The following OSTF1 variants were observed in gnomAD, a reference collection of about 807,000 sequenced individuals.
The protein encoded by OSTF1 is osteoclast stimulating factor 1.
OSTF1 carries 27 observed loss-of-function variants against 37.2 expected under a neutral mutation model. The observed-to-expected ratio is 0.73, with a 90% CI of 0.54 to 1.00. The LOEUF is 1.00. OSTF1 is among the 50% of genes least tolerant of loss of function. The pLI is 0.00. For synonymous variants in OSTF1, 82 were observed against 89.2 expected (o/e 0.92, Z 0.46); for missense variants, 232 against 253.8 (o/e 0.91, Z 0.58).
At chr9:75,095,725 C>T (rs1825069548) in intron 1 of OSTF1, among the ~76,000 whole-genome samples, 1 of 152,122 alleles carries the variant, frequency 6.6e-6, no homozygotes, top group Non-Finnish European at 1.5e-5. Flanking sequence ...TGGTATTGCT[C>T]CACACAGAAA....
intron 1 of OSTF1, among the ~76,000 whole-genome samples, chr9:75,093,787 G>A (rs1396516972): frequency 6.6e-6 from 1 of 152,162 alleles, no homozygotes; most frequent in Admixed American, 6.5e-5. Flanking sequence ...AAATATGCAC[G>A]TGAATAGTCT....
chr9:75,141,648 A>G (rs747636938), intron 9 of OSTF1, among the ~76,000 whole-genome samples: 5 of 152,226 alleles, frequency 3.3e-5, no homozygotes, highest in Non-Finnish European at 7.3e-5. Context: ...TTAAATGAGG[A>G]TATCAGTAAA....
intron 1 of OSTF1, among the ~76,000 whole-genome samples, chr9:75,111,607 T>G (rs768624822): frequency 7.2e-5 from 11 of 152,086 alleles, no homozygotes; most frequent in Non-Finnish European, 1.3e-4. Flanking sequence ...TCAGTTGAAT[T>G]CCAGGGTAAT....
At chr9:75,100,586 C>T (rs3780179) in intron 1 of OSTF1, among the ~76,000 whole-genome samples, 37,787 of 151,740 alleles carry the variant, frequency 0.25, 4,874 homozygotes, top group African/African-American at 0.3. Context: ...AAAAATTAGC[C>T]GGGCCGTGGT....
At chr9:75,090,499 TTTGTTTTATCTGGTCC>T (rs1824953255) in intron 1 of OSTF1, among the ~76,000 whole-genome samples, 1 of 152,240 alleles carries the variant, frequency 6.6e-6, no homozygotes, top group Non-Finnish European at 1.5e-5. Context: ...TTTATTTTAA[TTTGTTTTATCTGGTCC>T]TTGATTCAGG....
intron 1 of OSTF1, among the ~76,000 whole-genome samples, chr9:75,112,564 A>C (rs1825410177): frequency 2.0e-5 from 3 of 152,234 alleles, no homozygotes; most frequent in Admixed American, 6.5e-5. Flanking sequence ...CATTTGCATA[A>C]TAGCCTAAGG....
intron 2 of OSTF1, among the ~76,000 whole-genome samples, chr9:75,121,914 C>T (rs1825586533): frequency 6.6e-6 from 1 of 152,174 alleles, no homozygotes; most frequent in African/African-American, 2.4e-5. Context: ...GCTCCTGTTC[C>T]CCCTCAGGAG....
rs201231543 is a variant in OSTF1 at position 75,139,027 on chromosome 9, CTTCTTTCT to C, written c.487+1434_487+1441del. Among the ~76,000 whole-genome samples the C allele has an allele frequency of 7.3e-3, 880 of 120,550 alleles. 15 individuals are homozygous for C. The highest frequency in any genetic ancestry group is 0.01 in the Non-Finnish European group (571 of 56,534). The allele number at this position is 120,550 out of a possible 152,430, so 79.1% of individuals were successfully genotyped here. Reference sequence around the variant, plus strand: ...TTCTTTGCCTTTAAATTTGGGGACACTTCTTTCTTTCTTTCTTTCTTTCTTTCTTTTTT... The same window carrying C: ...TTCTTTGCCTTTAAATTTGGGGACACTTCTTTCTTTCTTTCTTTCTTTTTT... On this transcript the variant is annotated intron_variant, in intron 8 of 9. Coordinates refer to ENST00000346234, the MANE Select transcript of OSTF1 (RefSeq NM_012383.5).
At chr9:75,099,525 C>T (rs1314502026) in intron 1 of OSTF1, among the ~76,000 whole-genome samples, 1 of 152,172 alleles carries the variant, frequency 6.6e-6, no homozygotes, top group East Asian at 1.9e-4. Context: ...CCCACTTGGG[C>T]CTCCCAAAGT....
intron 2 of OSTF1, among the ~76,000 whole-genome samples, chr9:75,119,910 G>C (rs1445836493): frequency 6.6e-6 from 1 of 151,956 alleles, no homozygotes; most frequent in Non-Finnish European, 1.5e-5. Context: ...ATTGCAGTGA[G>C]CTGAGATTGC....
intron 2 of OSTF1, among the ~76,000 whole-genome samples, chr9:75,123,218 G>C (rs1587460392): frequency 1.3e-5 from 2 of 152,282 alleles, no homozygotes; most frequent in African/African-American, 4.8e-5. Context: ...TCAGGAGATC[G>C]AGACCATCCT....
chr9:75,106,837 C>A (rs1453518529), intron 1 of OSTF1, among the ~76,000 whole-genome samples: 1 of 151,354 alleles, frequency 6.6e-6, no homozygotes, highest in Non-Finnish European at 1.5e-5. Flanking sequence ...GCCTGTAATC[C>A]CAGCTACTTG....
chr9:75,146,424 C>A, intron 9 of OSTF1, among the ~76,000 whole-genome samples: 1 of 152,180 alleles, frequency 6.6e-6, no homozygotes, highest in East Asian at 1.9e-4. Flanking sequence ...TGTGGCTAGG[C>A]CTTTCTGTTG....
intron 1 of OSTF1, among the ~76,000 whole-genome samples, chr9:75,094,828 G>A (rs1825044158): frequency 6.6e-6 from 1 of 152,188 alleles, no homozygotes; most frequent in Non-Finnish European, 1.5e-5. Flanking sequence ...CAGATTGCTT[G>A]AGCCTAGGAG....
At chr9:75,110,402 A>G (rs1046200712) in intron 1 of OSTF1, among the ~76,000 whole-genome samples, 3 of 152,256 alleles carry the variant, frequency 2.0e-5, no homozygotes, top group Admixed American at 1.3e-4. Flanking sequence ...AGTTTCCTCC[A>G]TGTCTTTTCA....
chr9:75,096,428 A>C (rs138095968), intron 1 of OSTF1, among the ~76,000 whole-genome samples: 202 of 152,250 alleles, frequency 1.3e-3, no homozygotes, highest in African/African-American at 4.7e-3. Context: ...TCTAATGTGG[A>C]TCTTTTCTGC....
rs779716625 is a variant in OSTF1 at position 75,133,336 on chromosome 9, G to T, written c.293G>T (p.Gly98Val). 6.2e-7 allele frequency: 1 copy of T among 1,613,164 alleles called. No individual in the cohort carries two copies. Among genetic ancestry groups the T allele is most frequent in the Non-Finnish European group, 8.5e-7 (1 of 1,179,244 alleles). Residue 98 changes from glycine to valine, a missense_variant, in exon 6 of 10, where the codon GGT becomes GTT. Physicochemically the swap from Gly to Val is moderately radical, Grantham distance 109. Coordinates refer to ENST00000346234, the MANE Select transcript of OSTF1 (RefSeq NM_012383.5). ...WLRECLDNRV[G>V]VNGLDKAGST... Reference sequence around the variant, plus strand: ...AGAGAGTGTTTGGACAACAGAGTGGGTGTTAATGGCTTAGACAAAGCTGGA... The same window carrying T: ...AGAGAGTGTTTGGACAACAGAGTGGTTGTTAATGGCTTAGACAAAGCTGGA...
At chr9:75,129,831 A>T (rs1376184628) in intron 3 of OSTF1, among the ~76,000 whole-genome samples, 1 of 152,224 alleles carries the variant, frequency 6.6e-6, no homozygotes, top group African/African-American at 2.4e-5. Flanking sequence ...TTGAGTCCCA[A>T]ATTATGGGGC....
At chr9:75,129,512 A>G (rs1302008084) in intron 3 of OSTF1, among the ~76,000 whole-genome samples, 2 of 152,336 alleles carry the variant, frequency 1.3e-5, no homozygotes, top group Middle Eastern at 3.4e-3. Flanking sequence ...GAAGCCGACT[A>G]GATAGTTTGC....
Sources: gnomAD v4.1 joint callset for allele counts (sites outside exome capture counted in the v4.1 genomes callset) on GRCh38, gnomAD v4.1.1 for gene constraint, MANE v1.5 for transcripts, NCBI Gene and HGNC (gene_info 2026-07-23, HGNC 2026-07-21) for gene names.